PLCG2: variants seen among roughly 807,000 people sequenced by gnomAD.
The protein encoded by PLCG2 is 1-phosphatidylinositol 4,5-bisphosphate phosphodiesterase gamma-2.
A neutral mutation model predicts 175.6 loss-of-function variants in PLCG2; 69 were observed. The observed-to-expected ratio is 0.39, with a 90% CI of 0.32 to 0.48. The LOEUF is 0.48. Among genes scored for constraint, PLCG2 ranks in the 20% least tolerant of loss-of-function variants. The pLI is 0.91. For synonymous variants in PLCG2, 827 were observed against 624.0 expected (o/e 1.33, Z -4.85); for missense variants, 1,798 against 1,650.9 (o/e 1.09, Z -1.54).
At chr16:81,758,677 CT>C (rs35302433) in intron 2 of PLCG2, among the ~76,000 whole-genome samples, 69,471 of 143,928 alleles carry the variant, frequency 0.48, 17,776 homozygotes, top group Non-Finnish European at 0.58. Flanking sequence ...GTCCATCTCT[CT>C]TTTTTTTTTT....
intron 22 of PLCG2, among the ~76,000 whole-genome samples, chr16:81,923,972 C>T (rs1910161208): frequency 6.6e-6 from 1 of 152,146 alleles, no homozygotes; most frequent in Non-Finnish European, 1.5e-5. Context: ...ATGAGACTTT[C>T]CAAGTCACAC....
chr16:81,782,514 C>G (rs1444017575), intron 1 of PLCG2, among the ~76,000 whole-genome samples: 1 of 152,206 alleles, frequency 6.6e-6, no homozygotes, highest in African/African-American at 2.4e-5. Context: ...GCGTGGAACG[C>G]TGGAGACCTG....
At position 81,826,479 on chromosome 16, in the gene PLCG2, C is replaced by T. The variant is rs191891202; in HGVS notation, c.194-27965C>T. ...GACCTCGTGTGCCTCAGTCTCCTCA[C>T]TGATAAAATCGCAATAATAGTAGGA... On this transcript the variant is annotated intron_variant, in intron 2 of 32. Coordinates refer to ENST00000564138, the MANE Select transcript of PLCG2 (RefSeq NM_002661.5). 1.8e-4 allele frequency among the ~76,000 whole-genome samples: 27 copies of T among 152,334 alleles called. No individual in the cohort carries two copies. The East Asian group carries it at 5.0e-3, about 28-fold the overall frequency.
intron 2 of PLCG2, among the ~76,000 whole-genome samples, chr16:81,759,606 C>G (rs1009259888): frequency 6.6e-6 from 1 of 152,200 alleles, no homozygotes; most frequent in Non-Finnish European, 1.5e-5. Flanking sequence ...CTAGTCTGAT[C>G]TGTCTTGAGA....
chr16:81,774,029 G>A (rs1325270992), intron 2 of PLCG2, among the ~76,000 whole-genome samples: 1 of 151,880 alleles, frequency 6.6e-6, no homozygotes, highest in Admixed American at 6.6e-5. Flanking sequence ...CCAGGTTAGA[G>A]GTGCTCAAAG....
chr16:81,873,402 C>A (rs1043642542), intron 7 of PLCG2, among the ~76,000 whole-genome samples: 18 of 152,308 alleles, frequency 1.2e-4, no homozygotes, highest in Non-Finnish European at 2.5e-4. Flanking sequence ...TCCTTGAGAA[C>A]AATGACGTGT....
intron 1 of PLCG2, among the ~76,000 whole-genome samples, chr16:81,754,836 AG>A (rs574391765): frequency 7.4e-4 from 112 of 152,350 alleles, no homozygotes; most frequent in African/African-American, 2.6e-3. Context: ...GCTACATTGT[AG>A]GTATTCAAAC....
At chr16:81,906,928 C>G (rs775089233) in intron 15 of PLCG2, among the ~76,000 whole-genome samples, 3 of 151,560 alleles carry the variant, frequency 2.0e-5, no homozygotes, top group Non-Finnish European at 4.4e-5. Flanking sequence ...GTCCCAGCTA[C>G]TCAGGAGGCT....
At chr16:81,774,867 C>A (rs912984400), upstream of PLCG2, among the ~76,000 whole-genome samples, 1 of 151,876 alleles carries the variant, frequency 6.6e-6, no homozygotes, top group African/African-American at 2.4e-5. Flanking sequence ...GCCTCAGCTT[C>A]CCGAGTAGCT....
chr16:81,787,704 C>T (rs1263466197), intron 2 of PLCG2, among the ~76,000 whole-genome samples: 1 of 151,984 alleles, frequency 6.6e-6, no homozygotes, highest in East Asian at 1.9e-4. Flanking sequence ...CAAGATGAAA[C>T]CCCATACCTT....
chr16:81,881,875 C>T (rs182842398), intron 8 of PLCG2, among the ~76,000 whole-genome samples: 1 of 151,342 alleles, frequency 6.6e-6, no homozygotes, highest in East Asian at 1.9e-4. Flanking sequence ...TGGTGTTGAA[C>T]TCATGACCTC....
At chr16:81,952,263 T>C (rs894417371) in intron 31 of PLCG2, among the ~76,000 whole-genome samples, 2 of 151,384 alleles carry the variant, frequency 1.3e-5, no homozygotes, top group Non-Finnish European at 1.5e-5. Flanking sequence ...ACATATATAT[T>C]TATATATATA....
In PLCG2 at chr16:81,875,477, C is replaced by G. The variant is rs116874097; in HGVS notation, c.648+4542C>G. On this transcript the variant is annotated intron_variant, in intron 7 of 32. Transcript: ENST00000564138. ...ATGGAATACTTCTTAATTTTTGAAT[C>G]CTTTGTATTAAAGAAAATGTAAAGC... 9.4e-3 allele frequency among the ~76,000 whole-genome samples: 1,437 copies of G among 152,228 alleles called. 12 individuals are homozygous for G. The highest frequency in any genetic ancestry group is 0.041 in the Middle Eastern group (12 of 294).
intron 32 of PLCG2, 56 bp from the exon 33 acceptor site, chr16:81,957,900 G>C: frequency 2.1e-6 from 3 of 1,450,774 alleles, no homozygotes; most frequent in Non-Finnish European, 2.9e-6. Context: ...ACAGAGTTCA[G>C]CACGCAGCCC....
chr16:81,928,564 G>C lies in PLCG2; in HGVS notation c.2521G>C (p.Glu841Gln). ...DFEELEKQIIEDNPLGSLCRG... is the reference protein window; with the variant it reads ...DFEELEKQIIQDNPLGSLCRG... ...ATGTCTTGTTTCTTCACAGATTATTGAAGACAATCCCTTAGGGTCTCTTTG... is the reference window on the plus strand; with the variant it reads ...ATGTCTTGTTTCTTCACAGATTATTCAAGACAATCCCTTAGGGTCTCTTTG... The change falls in exon 24 of 33, where the codon GAA becomes CAA. Residue 841 changes from glutamate to glutamine, a missense_variant. Transcript: ENST00000564138. 6.2e-7 allele frequency: 1 copy of C among 1,601,484 alleles called. No homozygotes were observed. Among genetic ancestry groups the C allele is most frequent in the Non-Finnish European group, 8.6e-7 (1 of 1,168,518 alleles).
At chr16:81,866,718 C>T (rs1015151761) in intron 5 of PLCG2, among the ~76,000 whole-genome samples, 1 of 149,564 alleles carries the variant, frequency 6.7e-6, no homozygotes, top group Non-Finnish European at 1.5e-5. Context: ...CTCCACTGGG[C>T]ACCAGCATGA....
In PLCG2 at chr16:81,870,490, A is replaced by G. The variant is rs147797768; in HGVS notation, c.565-362A>G. Among the ~76,000 whole-genome samples the G allele has an allele frequency of 2.7e-3, 407 of 152,328 alleles. 3 individuals carry two copies. Among genetic ancestry groups the G allele is most frequent in the African/African-American group, 9.6e-3 (399 of 41,580 alleles). ...CTGCCCAAAAAAGGAGGAGTTACGC[A>G]TCATGTCTCTTGGAAACCTGGCTGA... is the stretch of plus-strand genomic sequence containing the variant. On this transcript the variant is annotated intron_variant, in intron 6 of 32. Coordinates refer to ENST00000564138, the MANE Select transcript of PLCG2 (RefSeq NM_002661.5).
chr16:81,876,016 CTTTTTTTTTT>C (rs547152035), intron 7 of PLCG2, among the ~76,000 whole-genome samples: 4 of 114,994 alleles, frequency 3.5e-5, no homozygotes, highest in Admixed American at 1.0e-4. Flanking sequence ...CTTTTTCTTT[CTTTTTTTTTT>C]TTTTTTTTTT....
intron 5 of PLCG2, among the ~76,000 whole-genome samples, chr16:81,863,476 G>T (rs529485504): frequency 6.6e-6 from 1 of 152,294 alleles, no homozygotes; most frequent in South Asian, 2.1e-4. Flanking sequence ...TTGCTTCCAC[G>T]TTTTGGCAAT....
Sources: allele counts gnomAD v4.1 joint callset (sites outside exome capture counted in the v4.1 genomes callset), GRCh38; gene constraint gnomAD v4.1.1; transcripts MANE v1.5; gene names NCBI Gene and HGNC (gene_info 2026-07-23, HGNC 2026-07-21).